The following ZXDC variants were observed in gnomAD, a reference collection of about 807,000 sequenced individuals.
ZXDC encodes ZXD family zinc finger C.
ZXDC carries 58 observed loss-of-function variants against 63.6 expected under a neutral mutation model. That is an observed-to-expected ratio of 0.91 (90% CI 0.74 to 1.13). ZXDC has a LOEUF of 1.13. Among genes scored for constraint, ZXDC ranks in the 50% most tolerant of loss-of-function variants. The probability of loss-of-function intolerance (pLI) is 0.00; values close to 1 mark genes in which losing one functional copy is unlikely to be tolerated. For synonymous variants in ZXDC, 561 were observed against 496.1 expected (o/e 1.13, Z -1.74); for missense variants, 1,133 against 1,148.9 (o/e 0.99, Z 0.20).
At chr3:126,456,061 G>C (rs1013798251) in intron 7 of ZXDC, among the ~76,000 whole-genome samples, 3 of 151,980 alleles carry the variant, frequency 2.0e-5, no homozygotes, top group Admixed American at 1.3e-4. Context: ...AAGTAAATGA[G>C]GGAGAAGAGA....
intron 7 of ZXDC, among the ~76,000 whole-genome samples, chr3:126,456,571 C>T (rs1013847010): frequency 6.6e-6 from 1 of 152,242 alleles, no homozygotes; most frequent in African/African-American, 2.4e-5. Context: ...ACACTAGGAA[C>T]TCTCATGGGC....
At chr3:126,465,217 G>A (rs1438910774) in intron 5 of ZXDC, among the ~76,000 whole-genome samples, 1 of 152,260 alleles carries the variant, frequency 6.6e-6, no homozygotes, top group African/African-American at 2.4e-5. Flanking sequence ...GGCCCGGTGA[G>A]GAGCGACAAC....
chr3:126,459,201 A>C, intron 7 of ZXDC: 11 of 984,868 alleles, frequency 1.1e-5, no homozygotes, highest in Non-Finnish European at 1.3e-5. Flanking sequence ...ATTTTCAAAT[A>C]AGATTTCAAC....
chr3:126,442,687 G>T (rs1933727966), intron 7 of ZXDC: 1 of 152,140 alleles, frequency 6.6e-6, no homozygotes, highest in Non-Finnish European at 1.5e-5. Context: ...GGATTTCATA[G>T]GAAATATGTG....
At chr3:126,440,024 GCTC>G (rs1485870762) in intron 8 of ZXDC, 4 of 1,255,392 alleles carry the variant, frequency 3.2e-6, no homozygotes, top group Admixed American at 8.1e-5. Context: ...CCTAAGGCAC[GCTC>G]CTCAACTCCT....
In ZXDC at chr3:126,459,685, T is replaced by A. The variant is rs374563785; in HGVS notation, c.2180A>T (p.Glu727Val). The A allele has an allele frequency of 5.6e-5, 91 of 1,614,112 alleles. No homozygotes were observed. The highest frequency in any genetic ancestry group is 7.5e-5 in the Non-Finnish European group (88 of 1,180,048). Reference protein sequence around the residue: ...TDYRAIQLAKEKKQRGAGSNA... With the variant: ...TDYRAIQLAKVKKQRGAGSNA... ...GCTCCCCGCTCCTCTCTGCTTTTTTTCCTTGGCTAGTTGAATGGCTCGGTA... is the reference window on the plus strand; with the variant it reads ...GCTCCCCGCTCCTCTCTGCTTTTTTACCTTGGCTAGTTGAATGGCTCGGTA... The change falls in exon 7 of 10, where the codon GAA (glutamate) becomes GTA (valine). Residue 727 changes from glutamate to valine, a missense_variant. Transcript: ENST00000389709.
intron 8 of ZXDC, chr3:126,440,522 C>A: frequency 1.0e-6 from 1 of 985,766 alleles, no homozygotes; most frequent in Non-Finnish European, 1.2e-6. Context: ...TGCTCCTGTT[C>A]TGCCGGTGGC....
intron 5 of ZXDC, 149 bp downstream of exon 5, chr3:126,466,006 T>C (rs574949513): frequency 6.1e-6 from 5 of 824,144 alleles, no homozygotes; most frequent in African/African-American, 5.2e-5. Context: ...TGGCAGAGAG[T>C]GCAAAAGAGG....
intron 6 of ZXDC, chr3:126,461,086 T>C (rs1160474205): frequency 1.0e-6 from 1 of 985,782 alleles, no homozygotes; most frequent in African/African-American, 1.7e-5. Context: ...CCCACCCTTT[T>C]TTTTTTTCTT....
At chr3:126,444,512 A>C (rs1184290067) in intron 7 of ZXDC, among the ~76,000 whole-genome samples, 1 of 151,900 alleles carries the variant, frequency 6.6e-6, no homozygotes, top group Non-Finnish European at 1.5e-5. Flanking sequence ...AGCCTGGGTG[A>C]CAGAGCGAGA....
chr3:126,461,614 TG>T lies in ZXDC; in HGVS notation c.2047del (p.Gln683SerfsTer42), dbSNP rs1033075940. 1.2e-6 allele frequency: 2 copies of T among 1,613,978 alleles called. No homozygotes were observed. Among genetic ancestry groups the T allele is most frequent in the African/African-American group, 2.7e-5 (2 of 74,886 alleles). On this transcript the variant is annotated frameshift_variant, in exon 6 of 10. Coordinates refer to ENST00000389709, the MANE Select transcript of ZXDC (RefSeq NM_025112.5). LOFTEE classifies it high-confidence loss of function. ...GQQEGSHGLP[Q>X]STLPSPAEQH... Reference sequence around the variant, plus strand: ...CTCTGCTGGACTGGGCAACGTGGACTGGGGCAGCCCATGGCTTCCTTCCTGC... The same window carrying T: ...CTCTGCTGGACTGGGCAACGTGGACTGGGCAGCCCATGGCTTCCTTCCTGC...
chr3:126,455,826 G>A (rs1455123249), intron 7 of ZXDC, among the ~76,000 whole-genome samples: 7 of 151,462 alleles, frequency 4.6e-5, no homozygotes, highest in Admixed American at 1.3e-4. Context: ...TGAAACCCCC[G>A]TCTCTACTAA....
At chr3:126,440,675 G>A (rs1933641117) in intron 8 of ZXDC, 3 of 985,562 alleles carry the variant, frequency 3.0e-6, no homozygotes, top group African/African-American at 1.7e-5. Context: ...CTCTTCAGAA[G>A]CTGGAAACAA....
At position 126,466,697 on chromosome 3, in the gene ZXDC, T is replaced by G. The variant is rs561868573; in HGVS notation, c.1271-372A>C. 2.0e-5 allele frequency among the ~76,000 whole-genome samples: 3 copies of G among 152,332 alleles called. No homozygotes were observed. The South Asian group carries it at 6.2e-4, about 32-fold the overall frequency. ...TTTATTCTAGTCATCTCGATTAAGCTATTATCATAAAAAATGTAATCCTAG... is the reference window on the plus strand; with the variant it reads ...TTTATTCTAGTCATCTCGATTAAGCGATTATCATAAAAAATGTAATCCTAG... On this transcript the variant is annotated intron_variant, in intron 4 of 9. Coordinates refer to ENST00000389709, the MANE Select transcript of ZXDC (RefSeq NM_025112.5).
chr3:126,459,987 C>CTTT (rs1270162403), intron 6 of ZXDC: 2 of 985,366 alleles, frequency 2.0e-6, no homozygotes, highest in Admixed American at 1.2e-4. Context: ...TAGTCTAAAA[C>CTTT]ATAGCCAAAT....
intron 7 of ZXDC, chr3:126,452,164 C>G (rs1934128916): frequency 6.1e-6 from 6 of 985,340 alleles, no homozygotes; most frequent in African/African-American, 1.7e-5. Flanking sequence ...CTCTGCCACG[C>G]AGCCCCAGCA....
rs771104863 is a variant in ZXDC, at chr3:126,474,972, C to G, written c.894G>C (p.Lys298Asn). The G allele has an allele frequency of 6.3e-7, 1 of 1,582,960 alleles. No homozygotes were observed. The highest frequency in any genetic ancestry group is 8.6e-7 in the Non-Finnish European group (1 of 1,165,006). ...GAGCGCGGTTACCGGGAAAGTCACA[C>G]TTGTAAGGGCGCTCGGGCTCGAAGT... ...RSHFEPERPY[K>N]CDFPGCEKTF... The change falls in exon 1 of 10, where the codon AAG becomes AAC. Residue 298 changes from lysine (K) to asparagine (N), a missense_variant. Coordinates refer to ENST00000389709, the MANE Select transcript of ZXDC (RefSeq NM_025112.5).
rs780277883 is a variant in ZXDC, at chr3:126,459,647, C to T, written c.2212+6G>A. On this transcript the variant is annotated splice_donor_region_variant and intron_variant, in intron 7 of 9. Transcript: ENST00000389709. Reference sequence around the variant, plus strand: ...GCTCGTCCGGCTGCAGCACACACGGCCTCACCTGCATTGCTCCCCGCTCCT... The same window carrying T: ...GCTCGTCCGGCTGCAGCACACACGGTCTCACCTGCATTGCTCCCCGCTCCT... 89 of 1,614,060 alleles carry T rather than the reference C, an allele frequency of 5.5e-5. No homozygotes were observed. The highest frequency in any genetic ancestry group is 7.0e-5 in the Non-Finnish European group (83 of 1,180,044).
At chr3:126,446,590 G>A (rs915457707) in intron 7 of ZXDC, among the ~76,000 whole-genome samples, 1 of 152,156 alleles carries the variant, frequency 6.6e-6, no homozygotes, top group Non-Finnish European at 1.5e-5. Flanking sequence ...ACCACAGGGG[G>A]TCATGCGAGC....
Sources: gnomAD v4.1 joint callset for allele counts (sites outside exome capture counted in the v4.1 genomes callset) on GRCh38, gnomAD v4.1.1 for gene constraint, MANE v1.5 for transcripts, NCBI Gene and HGNC (gene_info 2026-07-23, HGNC 2026-07-21) for gene names.